The following ULK2 variants were observed in gnomAD, a reference collection of about 807,000 sequenced individuals.
ULK2 encodes unc-51 like autophagy activating kinase 2.
In ULK2, 76 loss-of-function variants were observed where a neutral mutation model predicts 127.5. The ratio of observed to expected loss-of-function variants is 0.60; its 90% CI spans 0.50 to 0.72. ULK2 has a LOEUF of 0.72. Ranked by LOEUF, ULK2 falls within the 30% of genes least tolerant of loss-of-function variation. The pLI is 0.00. For missense variants in ULK2, 1,144 were observed against 1,295.9 expected (o/e 0.88, Z 1.80); for synonymous variants, 452 against 461.9 (o/e 0.98, Z 0.28).
intron 1 of ULK2, 60 bp downstream of exon 1, chr17:19,867,268 A>G: frequency 7.4e-7 from 1 of 1,360,112 alleles, no homozygotes; most frequent in Non-Finnish European, 9.7e-7. Flanking sequence ...GCCAAGTTTC[A>G]GAACCACCTA....
At chr17:19,793,498 A>G (rs759589226) in intron 20 of ULK2, among the ~76,000 whole-genome samples, 2 of 152,242 alleles carry the variant, frequency 1.3e-5, no homozygotes, top group Admixed American at 1.3e-4. Context: ...ATATGAATTA[A>G]GTCAAACTGG....
chr17:19,857,463 A>G (rs1445553053), intron 3 of ULK2, among the ~76,000 whole-genome samples: 1 of 152,144 alleles, frequency 6.6e-6, no homozygotes, highest in East Asian at 1.9e-4. Flanking sequence ...TACTTTATAT[A>G]TTTAAGCTTT....
At chr17:19,863,086 C>T (rs1193066386) in intron 3 of ULK2, among the ~76,000 whole-genome samples, 1 of 151,920 alleles carries the variant, frequency 6.6e-6, no homozygotes, top group African/African-American at 2.4e-5. Context: ...TGGTGGCAGG[C>T]GCCTATAATC....
chr17:19,781,958 G>C lies in ULK2; in HGVS notation c.2570C>G (p.Ala857Gly). Residue 857 changes from alanine (A) to glycine (G), a missense_variant, in exon 23 of 27, where the codon GCT (alanine) becomes GGT (glycine). Ala to Gly is a moderately conservative substitution (Grantham distance 60). This residue lies in a region of ULK2 where 913 missense variants were observed against 970.5 expected (regional missense o/e 0.94). Transcript: ENST00000395544. The part of the protein sequence containing the change: ...RGGNPELCTS[A>G]VSLYQIQESV... ...CTCCTGGATCTGGTACAAGGACACA[G>C]CAGATGTGCACAGCTCAGGGTTTCC... 6.2e-7 allele frequency: 1 copy of C among 1,614,244 alleles called. No individual in the cohort carries two copies. The highest frequency in any genetic ancestry group is 8.5e-7 in the Non-Finnish European group (1 of 1,180,044).
At chr17:19,801,571 G>C (rs959554333) in intron 16 of ULK2, among the ~76,000 whole-genome samples, 1 of 152,158 alleles carries the variant, frequency 6.6e-6, no homozygotes, top group African/African-American at 2.4e-5. Context: ...GACAGAGTGA[G>C]ACCTTGTCTC....
intron 19 of ULK2, 94 bp from the exon 20 acceptor site, chr17:19,795,819 T>C (rs888359174): frequency 1.7e-5 from 20 of 1,185,766 alleles, no homozygotes; most frequent in East Asian, 9.4e-5. Context: ...AAACAAGAAA[T>C]AGATACCAAA....
chr17:19,823,812 A>G (rs1385975991), intron 12 of ULK2, among the ~76,000 whole-genome samples: 2 of 152,184 alleles, frequency 1.3e-5, no homozygotes, highest in Non-Finnish European at 2.9e-5. Flanking sequence ...AGTCTTATTA[A>G]CATAATCTGC....
intron 20 of ULK2, among the ~76,000 whole-genome samples, chr17:19,789,699 C>A (rs888991085): frequency 6.6e-6 from 1 of 151,826 alleles, no homozygotes; most frequent in South Asian, 2.1e-4. Context: ...CTAACACAGA[C>A]TGAAATAATT....
chr17:19,841,406 T>G, intron 9 of ULK2, 83 bp downstream of exon 9: 1 of 1,337,648 alleles, frequency 7.5e-7, no homozygotes, highest in Non-Finnish European at 1.0e-6. Flanking sequence ...AATTAAAAAA[T>G]GAGAATACAC....
At chr17:19,832,029 C>T (rs1013339358) in intron 10 of ULK2, among the ~76,000 whole-genome samples, 43 of 151,410 alleles carry the variant, frequency 2.8e-4, no homozygotes, top group African/African-American at 9.0e-4. Flanking sequence ...GAGGCTGAAG[C>T]AGGAGTATCG....
intron 8 of ULK2, 41 bp downstream of exon 8, chr17:19,843,080 A>G: frequency 6.8e-7 from 1 of 1,462,860 alleles, no homozygotes; most frequent in Non-Finnish European, 9.6e-7. Flanking sequence ...ATAAAATGAC[A>G]AGATCCCAAA....
intron 25 of ULK2, 152 bp downstream of exon 25, chr17:19,780,320 A>G: frequency 1.7e-6 from 1 of 588,222 alleles, no homozygotes; most frequent in Non-Finnish European, 2.7e-6. Flanking sequence ...ACAGTTGCTT[A>G]AATCCAATTA....
chr17:19,836,623 C>T (rs946571526), intron 10 of ULK2, among the ~76,000 whole-genome samples: 11 of 149,916 alleles, frequency 7.3e-5, no homozygotes, highest in African/African-American at 2.7e-4. Context: ...CAAAACAAAA[C>T]AGGCTGGGCA....
chr17:19,815,933 A>G (rs1467467647), intron 13 of ULK2, among the ~76,000 whole-genome samples: 4 of 152,230 alleles, frequency 2.6e-5, no homozygotes, highest in African/African-American at 4.8e-5. Flanking sequence ...CTCAGTTCTC[A>G]TAATGCTGGT....
intron 7 of ULK2, among the ~76,000 whole-genome samples, chr17:19,843,751 TG>T (rs961050342): frequency 5.9e-5 from 9 of 151,298 alleles, no homozygotes; most frequent in African/African-American, 1.9e-4. Context: ...CTCCACCTCC[TG>T]GGTTCAAGTG....
chr17:19,790,048 T>C (rs2087118770), intron 20 of ULK2, among the ~76,000 whole-genome samples: 2 of 151,906 alleles, frequency 1.3e-5, no homozygotes, highest in Admixed American at 1.3e-4. Flanking sequence ...CAACAAAAAG[T>C]TAAGAAGCAA....
chr17:19,835,349 G>A (rs1326375440), intron 10 of ULK2, among the ~76,000 whole-genome samples: 3 of 150,878 alleles, frequency 2.0e-5, no homozygotes, highest in African/African-American at 7.3e-5. Flanking sequence ...CAAAGTGCTG[G>A]GCTTAACAGG....
At chr17:19,850,592 C>A (rs2041991680) in intron 3 of ULK2, among the ~76,000 whole-genome samples, 1 of 151,818 alleles carries the variant, frequency 6.6e-6, no homozygotes, top group African/African-American at 2.4e-5. Context: ...TTTGGGAGGC[C>A]GAGGCAGGCG....
chr17:19,826,565 C>T (rs2041301542), intron 10 of ULK2, among the ~76,000 whole-genome samples: 1 of 152,186 alleles, frequency 6.6e-6, no homozygotes, highest in African/African-American at 2.4e-5. Context: ...TGAACTACAG[C>T]TGTTAATTGT....
Sources: gnomAD v4.1 joint callset for allele counts (sites outside exome capture counted in the v4.1 genomes callset) on GRCh38, gnomAD v4.1.1 for gene constraint, gnomAD v4.1.1 regional missense constraint, MANE v1.5 for transcripts, NCBI Gene and HGNC (gene_info 2026-07-23, HGNC 2026-07-21) for gene names.